Variants in ARHGAP28 observed in about 807,000 individuals in gnomAD.
ARHGAP28 encodes rho GTPase-activating protein 28.
ARHGAP28 carries 56 observed loss-of-function variants against 90.7 expected under a neutral mutation model. That is an observed-to-expected ratio of 0.62 (90% CI 0.50 to 0.77). The LOEUF (loss-of-function observed/expected upper bound fraction) is 0.77. ARHGAP28 is among the 30% of genes least tolerant of loss of function. ARHGAP28 has a pLI of 0.00. For synonymous variants in ARHGAP28, 308 were observed against 323.3 expected, an observed-to-expected ratio of 0.95 and a Z score of 0.51; for missense variants, 869 against 900.9, an observed-to-expected ratio of 0.96 and a Z score of 0.45.
chr18:6,784,433 A>G lies in ARHGAP28; in HGVS notation c.123-40329A>G, dbSNP rs555731333. On this transcript the variant is annotated intron_variant, in intron 1 of 17. Coordinates refer to ENST00000383472, the MANE Select transcript of ARHGAP28 (RefSeq NM_001366230.1). ...TGTAATCGCTTTCATTTCTGGGGAA[A>G]GCCCACAACTTTTCTTGCTTCTCCT... is the stretch of plus-strand genomic sequence containing the variant. 5.3e-5 allele frequency among the ~76,000 whole-genome samples: 8 copies of G among 152,222 alleles called. No homozygotes were observed. The East Asian group carries it at 1.5e-3, about 29-fold the overall frequency.
intron 1 of ARHGAP28, among the ~76,000 whole-genome samples, chr18:6,812,164 C>T (rs1408046190): frequency 6.6e-6 from 1 of 152,110 alleles, no homozygotes; most frequent in Non-Finnish European, 1.5e-5. Flanking sequence ...TGTTTTACAC[C>T]TCTACTGAAA....
rs111692630 is a variant in ARHGAP28, at chr18:6,874,303, C to T, written c.1212+528C>T. 8.3e-3 allele frequency among the ~76,000 whole-genome samples: 1,262 copies of T among 152,210 alleles called. 24 individuals are homozygous for T. Among genetic ancestry groups the T allele is most frequent in the African/African-American group, 0.029 (1,197 of 41,532 alleles). On this transcript the variant is annotated intron_variant, in intron 9 of 17. Transcript: ENST00000383472. Reference sequence around the variant, plus strand: ...AAACCAGCATGTTCCAGTCATTTTCCGGTGTGTCTGGGCAGATAGGATACA... The same window carrying T: ...AAACCAGCATGTTCCAGTCATTTTCTGGTGTGTCTGGGCAGATAGGATACA...
At chr18:6,907,192 T>G (rs1030231160) in intron 16 of ARHGAP28, among the ~76,000 whole-genome samples, 7 of 152,168 alleles carry the variant, frequency 4.6e-5, no homozygotes, top group African/African-American at 1.7e-4. Flanking sequence ...ACGGGATCAC[T>G]CATTCATTTC....
chr18:6,802,426 A>G (rs899634714), intron 1 of ARHGAP28, among the ~76,000 whole-genome samples: 6 of 140,290 alleles, frequency 4.3e-5, no homozygotes, highest in African/African-American at 1.6e-4. Flanking sequence ...GCTCACTGCA[A>G]CCTCTGCCTC....
chr18:6,752,035 G>A (rs1463773694), intron 1 of ARHGAP28, among the ~76,000 whole-genome samples: 2 of 152,114 alleles, frequency 1.3e-5, no homozygotes, highest in African/African-American at 2.4e-5. Context: ...AGTAAAGGAA[G>A]CTACACTTGT....
At chr18:6,851,891 G>C (rs1411317655) in intron 4 of ARHGAP28, among the ~76,000 whole-genome samples, 4 of 152,288 alleles carry the variant, frequency 2.6e-5, no homozygotes, top group Middle Eastern at 3.4e-3. Flanking sequence ...ACAGGAGGGA[G>C]GGTGAGGAGG....
chr18:6,880,097 T>A (rs2057165584), intron 10 of ARHGAP28, among the ~76,000 whole-genome samples: 1 of 152,198 alleles, frequency 6.6e-6, no homozygotes, highest in Non-Finnish European at 1.5e-5. Context: ...CAATGTCCCC[T>A]TTGCTTTACT....
At chr18:6,777,332 G>T (rs562333660) in intron 1 of ARHGAP28, among the ~76,000 whole-genome samples, 1 of 152,260 alleles carries the variant, frequency 6.6e-6, no homozygotes, top group African/African-American at 2.4e-5. Flanking sequence ...CAGTTAGGAG[G>T]GGGGTGAGCT....
At chr18:6,853,806 C>T (rs1277018114) in intron 4 of ARHGAP28, among the ~76,000 whole-genome samples, 1 of 152,124 alleles carries the variant, frequency 6.6e-6, no homozygotes, top group Non-Finnish European at 1.5e-5. Flanking sequence ...TACCCATGAC[C>T]TGGAAGCCCT....
intron 4 of ARHGAP28, among the ~76,000 whole-genome samples, chr18:6,852,630 A>C (rs2056919484): frequency 6.6e-6 from 1 of 152,222 alleles, no homozygotes; most frequent in Non-Finnish European, 1.5e-5. Flanking sequence ...ACAATGTACT[A>C]ATAGCCTTAG....
Position 6,729,726 on chromosome 18 carries a change from C to T in ARHGAP28, c.-96C>T, listed in dbSNP as rs2055858127. 8.0e-7 allele frequency: 1 copy of T among 1,242,714 alleles called. No individual in the cohort carries two copies. The highest frequency in any genetic ancestry group is 1.0e-6 in the Non-Finnish European group (1 of 980,934). The allele number at this position is 1,242,714 out of a possible 1,614,324, so 77.0% of individuals were successfully genotyped here. On this transcript the variant is annotated 5_prime_UTR_variant, in exon 1 of 18. Transcript: ENST00000383472. ...AGAGAGCGGCTGGTCGCACCTCGGG[C>T]CGCGCCGCCCAGCTGCTGACAGCCT...
chr18:6,889,665 A>G (rs890468769), intron 12 of ARHGAP28, among the ~76,000 whole-genome samples: 3 of 152,220 alleles, frequency 2.0e-5, no homozygotes, highest in Non-Finnish European at 4.4e-5. Flanking sequence ...AATATAATAA[A>G]ATCCATTAAA....
intron 3 of ARHGAP28, among the ~76,000 whole-genome samples, chr18:6,838,418 C>A (rs2056770457): frequency 6.6e-6 from 1 of 152,178 alleles, no homozygotes; most frequent in South Asian, 2.1e-4. Context: ...GTCATATCTT[C>A]TTTTAGTTAA....
At chr18:6,909,304 T>TCTTTTCTTTTCTTTTCTTTTCTTTTC (rs1600313673) in intron 17 of ARHGAP28, among the ~76,000 whole-genome samples, 188 of 140,178 alleles carry the variant, frequency 1.3e-3, no homozygotes, top group Admixed American at 1.7e-3. Context: ...TCTTTTCTTT[T>TCTTTTCTTTTCTTTTCTTTTCTTTTC]TTTTTTGAGA....
chr18:6,893,446 T>C (rs971490939), intron 14 of ARHGAP28, among the ~76,000 whole-genome samples: 1 of 152,164 alleles, frequency 6.6e-6, no homozygotes, highest in Admixed American at 6.5e-5. Flanking sequence ...ATTCTAAGAG[T>C]CAATACTGAC....
chr18:6,824,430 G>A (rs1007303981), intron 1 of ARHGAP28, among the ~76,000 whole-genome samples: 4 of 151,984 alleles, frequency 2.6e-5, no homozygotes, highest in Non-Finnish European at 5.9e-5. Context: ...CCAGCTACTC[G>A]GGAGGCAAAA....
chr18:6,786,942 C>T (rs530623773), intron 1 of ARHGAP28, among the ~76,000 whole-genome samples: 4 of 151,794 alleles, frequency 2.6e-5, no homozygotes, highest in Non-Finnish European at 5.9e-5. Flanking sequence ...GTTGGGGCCG[C>T]GCGCGGTGGT....
At chr18:6,851,154 G>A (rs2056907830) in intron 4 of ARHGAP28, 28 bp downstream of exon 4, 2 of 1,598,722 alleles carry the variant, frequency 1.3e-6, no homozygotes, top group Non-Finnish European at 1.7e-6. Context: ...GGGGATGGTG[G>A]TAGGCATGAA....
At chr18:6,738,400 T>C (rs1287165042) in intron 1 of ARHGAP28, among the ~76,000 whole-genome samples, 1 of 152,102 alleles carries the variant, frequency 6.6e-6, no homozygotes, top group Non-Finnish European at 1.5e-5. Context: ...TATACATTTA[T>C]AATGTACAGG....
Sources: gnomAD v4.1 joint callset for allele counts (sites outside exome capture counted in the v4.1 genomes callset) on GRCh38, gnomAD v4.1.1 for gene constraint, MANE v1.5 for transcripts, NCBI Gene and HGNC (gene_info 2026-07-23, HGNC 2026-07-21) for gene names.